The following MXRA8 variants were observed in gnomAD, a reference collection of about 807,000 sequenced individuals.
MXRA8 encodes matrix remodeling associated 8.
Under a neutral mutation model 51.4 loss-of-function variants are expected in MXRA8, and 44 were observed. The observed-to-expected ratio is 0.86, with a 90% CI of 0.67 to 1.10. The LOEUF (loss-of-function observed/expected upper bound fraction) is 1.10, where lower values mean the gene tolerates loss of function less well. MXRA8 is among the 50% of genes least tolerant of loss of function. The probability of loss-of-function intolerance (pLI) is 0.00; values close to 1 mark genes in which losing one functional copy is unlikely to be tolerated. For missense variants in MXRA8, 765 were observed against 638.9 expected, an observed-to-expected ratio of 1.20 and a Z score of -2.13; for synonymous variants, 369 against 293.5, an observed-to-expected ratio of 1.26 and a Z score of -2.63.
upstream of MXRA8, among the ~76,000 whole-genome samples, chr1:1,362,152 G>A (rs985254382): frequency 1.3e-5 from 2 of 152,178 alleles, no homozygotes; most frequent in African/African-American, 4.8e-5. Flanking sequence ...CAGCCCCGAG[G>A]AGGCAGGGCT....
chr1:1,353,752 C>A lies in MXRA8; in HGVS notation c.1303+96G>T, dbSNP rs765497490. 1.8e-5 allele frequency: 27 copies of A among 1,471,058 alleles called. No individual in the cohort carries two copies. In the South Asian group the frequency reaches 2.6e-4, roughly 14 times the overall value. The allele number at this position is 1,471,058 out of a possible 1,614,324, so 91.1% of individuals were successfully genotyped here. ...TCTGAGCCTGAGGTGGCAGGGGCCC[C>A]GGGCCTGGCTGGTGCCTGCCATCGT... On this transcript the variant is annotated intron_variant, in intron 9 of 9. Coordinates refer to ENST00000309212, the MANE Select transcript of MXRA8 (RefSeq NM_032348.4).
chr1:1,354,285 A>G, intron 6 of MXRA8, 53 bp from the exon 7 acceptor site: 2 of 1,601,110 alleles, frequency 1.2e-6, no homozygotes, highest in Non-Finnish European at 1.7e-6. Context: ...CAGGTCCCCC[A>G]GCCCAGAGGA....
In MXRA8 at chr1:1,354,679, C is replaced by T. The variant is rs1644081646; in HGVS notation, c.949+3G>A. 1 of 1,567,002 alleles carries T rather than the reference C, an allele frequency of 6.4e-7. No individual in the cohort carries two copies. The highest frequency in any genetic ancestry group is 8.6e-7 in the Non-Finnish European group (1 of 1,158,028). On this transcript the variant is annotated splice_donor_region_variant and intron_variant, in intron 5 of 9. Coordinates refer to ENST00000309212, the MANE Select transcript of MXRA8 (RefSeq NM_032348.4). ...TCCCGGGTCCCAGGGAGGCCTCCTT[C>T]ACCTGGGCCTGGGGCGCCGCTGTGG...
chr1:1,357,674 G>A (rs1333202829), intron 1 of MXRA8, among the ~76,000 whole-genome samples: 1 of 152,190 alleles, frequency 6.6e-6, no homozygotes, highest in Non-Finnish European at 1.5e-5. Context: ...GGACGGGGTG[G>A]TAGTGGGCGC....
intron 8 of MXRA8, 35 bp downstream of exon 8, chr1:1,353,995 C>T (rs760900447): frequency 8.1e-6 from 13 of 1,610,454 alleles, no homozygotes; most frequent in East Asian, 6.7e-5. Context: ...GACTGGGAGC[C>T]GCGCCTGTGC....
rs1046921350 is a variant in MXRA8, at chr1:1,355,276, C to G, written c.446G>C (p.Ser149Thr). ...LHHHYCHLYE[S>T]LAVRLEVTDG... is the part of the protein sequence containing the mutation. ...GGTGACCTCCAGGCGGACGGCCAGG[C>G]TCTCGTAGAGGTGGCAGTAGTGATG... The change falls in exon 4 of 10, where the codon AGC becomes ACC. Residue 149 changes from serine (S) to threonine (T), a missense_variant. By Grantham distance (58) the Ser-to-Thr change is moderately conservative. Coordinates refer to ENST00000309212, the MANE Select transcript of MXRA8 (RefSeq NM_032348.4). 1.3e-6 allele frequency: 2 copies of G among 1,574,776 alleles called. No individual in the cohort carries two copies. Among genetic ancestry groups the G allele is most frequent in the African/African-American group, 1.4e-5 (1 of 70,980 alleles).
chr1:1,358,402 C>T, intron 1 of MXRA8, 54 bp downstream of exon 1: 1 of 1,555,556 alleles, frequency 6.4e-7, no homozygotes, highest in Non-Finnish European at 8.7e-7. Flanking sequence ...CCGAAACGGA[C>T]TCGCACAGCC....
At chr1:1,353,763 G>A (rs377423503) in intron 9 of MXRA8, 85 bp downstream of exon 9, 45 of 1,476,436 alleles carry the variant, frequency 3.0e-5, no homozygotes, top group Non-Finnish European at 3.9e-5. Flanking sequence ...GGGCCTGGCT[G>A]GTGCCTGCCA....
rs944122737 is a variant in MXRA8, at chr1:1,358,426, C to A, written c.49+30G>T. 5.6e-6 allele frequency: 9 copies of A among 1,593,676 alleles called. No individual in the cohort carries two copies. In the East Asian group the frequency reaches 2.0e-4, roughly 36 times the overall value. ...ACTCGCACAGCCCCACGTGCCACCC[C>A]CCACCCGCCTCCCAGGGCCCCACAC... is the stretch of plus-strand genomic sequence containing the variant. On this transcript the variant is annotated intron_variant, in intron 1 of 9. Coordinates refer to ENST00000309212, the MANE Select transcript of MXRA8 (RefSeq NM_032348.4).
At chr1:1,360,639 C>T (rs1415719008), upstream of MXRA8, among the ~76,000 whole-genome samples, 1 of 152,212 alleles carries the variant, frequency 6.6e-6, no homozygotes, top group Non-Finnish European at 1.5e-5. Context: ...GCCAAACCAG[C>T]GCCCTGGACC....
At chr1:1,358,583 C>T (rs1369654761), upstream of MXRA8, 1 of 1,537,462 alleles carries the variant, frequency 6.5e-7, no homozygotes, top group Non-Finnish European at 8.8e-7. Flanking sequence ...CCCTCCCCCT[C>T]CTTAGCACCC....
At position 1,355,501 on chromosome 1, in the gene MXRA8, C is replaced by A; in HGVS notation, c.325G>T (p.Glu109Ter). The change falls in exon 3 of 10, where the codon GAG becomes TAG. Residue 109 changes from glutamate to a stop codon, truncating the protein, a stop_gained. Coordinates refer to ENST00000309212, the MANE Select transcript of MXRA8 (RefSeq NM_032348.4). LOFTEE classifies it high-confidence loss of function. ...TCGTCGAAGGCCGAGGCCGAGAGCT[C>A]CAGGCGGCCGCGGTCCCGCGCCTCG... The part of the protein sequence containing the change: ...VYEARDRGRL[E>*]LSASAFDDGN... The A allele has an allele frequency of 6.6e-7, 1 of 1,511,058 alleles. No individual in the cohort carries two copies. The highest frequency in any genetic ancestry group is 8.8e-7 in the Non-Finnish European group (1 of 1,141,176). The allele number at this position is 1,511,058 out of a possible 1,614,324, so 93.6% of individuals were successfully genotyped here. A position where few individuals can be genotyped will look rare whatever the true frequency, so the allele number is the denominator to read the frequency against.
chr1:1,360,979 C>T (rs1440900408), upstream of MXRA8, among the ~76,000 whole-genome samples: 10 of 41,184 alleles, frequency 2.4e-4, 1 homozygote, highest in African/African-American at 9.7e-4. Context: ...CAGAGATACA[C>T]GGAAACACAG....
intron 2 of MXRA8, 42 bp downstream of exon 2, chr1:1,356,639 G>A: frequency 7.7e-7 from 1 of 1,304,160 alleles, no homozygotes; most frequent in African/African-American, 1.5e-5. Flanking sequence ...AGGAGGGGCT[G>A]AGGGGGAGTG....
chr1:1,353,355 T>C lies in MXRA8; in HGVS notation c.*249A>G. On this transcript the variant is annotated 3_prime_UTR_variant, in exon 10 of 10. Transcript: ENST00000309212. ...GGTCTGAGGGCATGATGGGCATCAGTGGGATTTTGGTTGTGCCAGGGGTGG... is the reference window on the plus strand; with the variant it reads ...GGTCTGAGGGCATGATGGGCATCAGCGGGATTTTGGTTGTGCCAGGGGTGG... The C allele has an allele frequency of 2.6e-6, 4 of 1,548,088 alleles. No individual in the cohort carries two copies. Among genetic ancestry groups the C allele is most frequent in the Non-Finnish European group, 2.6e-6 (3 of 1,145,788 alleles).
upstream of MXRA8, among the ~76,000 whole-genome samples, chr1:1,361,009 GAC>G (rs571223256): frequency 1.5e-3 from 223 of 149,804 alleles, 1 homozygote; most frequent in Non-Finnish European, 9.6e-4. Flanking sequence ...CACACGCGAA[GAC>G]ACAGACACAT....
upstream of MXRA8, chr1:1,359,199 T>C (rs1644189403): frequency 1.0e-6 from 1 of 985,072 alleles, no homozygotes; most frequent in Non-Finnish European, 1.2e-6. Context: ...GGCCTGGGGG[T>C]GCTGGGGTGA....
Position 1,354,213 on chromosome 1 carries a change from C to T in MXRA8, c.1125G>A (p.Gln375=). 6.2e-7 allele frequency: 1 copy of T among 1,612,648 alleles called. No homozygotes were observed. The part of the protein sequence containing the change: ...RRRGGYEYSD[Q]KSGKSKGKDV... ...CTCACCCCTTTGACTTTCCCGACTT[C>T]TGGTCCGAGTATTCGTAGCCTGGGA... Residue 375 remains glutamine (Q), a synonymous_variant, in exon 7 of 10, where the codon CAG becomes CAA. Transcript: ENST00000309212.
At chr1:1,359,938 C>T (rs909403662), upstream of MXRA8, among the ~76,000 whole-genome samples, 14 of 152,208 alleles carry the variant, frequency 9.2e-5, no homozygotes, top group African/African-American at 2.7e-4. Context: ...GGCAGCTGCC[C>T]GCCCGCCCAT....
Sources: allele counts gnomAD v4.1 joint callset (sites outside exome capture counted in the v4.1 genomes callset), GRCh38; gene constraint gnomAD v4.1.1; transcripts MANE v1.5; gene names NCBI Gene and HGNC (gene_info 2026-07-23, HGNC 2026-07-21).